ARSG: variants seen among roughly 807,000 people sequenced by gnomAD.
The protein encoded by ARSG is ASG.
Under a neutral mutation model 50.5 loss-of-function variants are expected in ARSG, and 37 were observed. The observed-to-expected ratio is 0.73, with a 90% CI of 0.56 to 0.96. The LOEUF (loss-of-function observed/expected upper bound fraction) is 0.96. Among genes scored for constraint, ARSG ranks in the 50% least tolerant of loss-of-function variants. The pLI is 0.00. For missense variants in ARSG, 629 were observed against 675.3 expected, an observed-to-expected ratio of 0.93 and a Z score of 0.76; for synonymous variants, 225 against 254.6, an observed-to-expected ratio of 0.88 and a Z score of 1.11.
intron 2 of ARSG, among the ~76,000 whole-genome samples, chr17:68,329,808 A>G (rs56859893): frequency 0.068 from 10,425 of 152,204 alleles, 803 homozygotes; most frequent in African/African-American, 0.19. Context: ...GATAACTGAT[A>G]AGCTAAAAAA....
chr17:68,273,926 C>T (rs1555749965), intron 1 of ARSG: 3 of 1,613,980 alleles, frequency 1.9e-6, no homozygotes, highest in Non-Finnish European at 2.5e-6. Context: ...GGAACACTTA[C>T]CAGAGATGAT....
chr17:68,330,967 C>T (rs1182495727), intron 2 of ARSG, among the ~76,000 whole-genome samples: 5 of 52,766 alleles, frequency 9.5e-5, no homozygotes, highest in Non-Finnish European at 1.8e-4. Context: ...TTCTTTATTT[C>T]TTTTTTTTTG....
At chr17:68,395,538 G>A (rs767735234) in intron 10 of ARSG, among the ~76,000 whole-genome samples, 2 of 152,176 alleles carry the variant, frequency 1.3e-5, no homozygotes, top group Non-Finnish European at 2.9e-5. Flanking sequence ...CCGCCAGCAA[G>A]TGGCTGGTTC....
downstream of ARSG, chr17:68,421,961 T>C: frequency 1.0e-6 from 1 of 980,234 alleles, no homozygotes; most frequent in Non-Finnish European, 1.6e-6. Flanking sequence ...AACTCGCTCA[T>C]GGCCACAGAA....
intron 2 of ARSG, among the ~76,000 whole-genome samples, chr17:68,326,779 G>C (rs1337295686): frequency 2.6e-5 from 4 of 152,216 alleles, no homozygotes; most frequent in Admixed American, 6.5e-5. Flanking sequence ...AGATCACTGA[G>C]GTGGCAAGTT....
At chr17:68,401,854 C>T (rs1048229477) in intron 11 of ARSG, among the ~76,000 whole-genome samples, 4 of 152,112 alleles carry the variant, frequency 2.6e-5, no homozygotes, top group Non-Finnish European at 4.4e-5. Context: ...GTTAGCAAAC[C>T]GACAGAAGTC....
chr17:68,424,474 A>G (rs368986755), downstream of ARSG: 1 of 534,714 alleles, frequency 1.9e-6, no homozygotes, highest in African/African-American at 1.9e-5. Context: ...TGGACACAAA[A>G]CAATGATCAG....
intron 2 of ARSG, among the ~76,000 whole-genome samples, chr17:68,309,155 T>G (rs1013479050): frequency 1.3e-5 from 2 of 152,208 alleles, no homozygotes; most frequent in Non-Finnish European, 2.9e-5. Context: ...TGGCCCGGGT[T>G]CTAAGCCCCT....
At chr17:68,445,140 G>A in the ARSG span, among the ~76,000 whole-genome samples, 8 of 151,980 alleles carry the variant, frequency 5.3e-5, no homozygotes, top group Non-Finnish European at 4.4e-5. Context: ...GGCTGGTCTC[G>A]AACTCCCGAC....
At chr17:68,264,469 C>T (rs1242019972) in intron 1 of ARSG, among the ~76,000 whole-genome samples, 8 of 151,162 alleles carry the variant, frequency 5.3e-5, no homozygotes, top group African/African-American at 1.2e-4. Context: ...GTTGGAGTTT[C>T]GCTCTTGTTG....
chr17:68,287,159 T>C (rs2075860034), upstream of ARSG, among the ~76,000 whole-genome samples: 1 of 152,138 alleles, frequency 6.6e-6, no homozygotes, highest in Non-Finnish European at 1.5e-5. Context: ...AATTTTGTTT[T>C]AGTAGAGATG....
chr17:68,388,940 A>G (rs67815705), intron 9 of ARSG, among the ~76,000 whole-genome samples: 18 of 114,442 alleles, frequency 1.6e-4, no homozygotes, highest in Middle Eastern at 4.7e-3. Context: ...AAAAAAAAAA[A>G]AAAAAGAAAA....
the ARSG span, among the ~76,000 whole-genome samples, chr17:68,433,781 T>TTTTG: frequency 3.3e-5 from 3 of 90,246 alleles, no homozygotes; most frequent in African/African-American, 1.2e-4. Flanking sequence ...TTTTTTTTTT[T>TTTTG]TTTTTTTTTT....
chr17:68,347,058 G>C lies in ARSG; in HGVS notation c.407-67G>C, dbSNP rs373031065. 5.3e-4 allele frequency: 838 copies of C among 1,584,566 alleles called. 13 individuals carry two copies. In the South Asian group the frequency reaches 8.7e-3, roughly 16 times the overall value. ...TAATGGAGAGCTGAGTGTGTGATCAGCTCCTCAGGGGGCTGTGGTACCCCT... is the reference window on the plus strand; with the variant it reads ...TAATGGAGAGCTGAGTGTGTGATCACCTCCTCAGGGGGCTGTGGTACCCCT... On this transcript the variant is annotated intron_variant, in intron 3 of 11. Coordinates refer to ENST00000621439, the MANE Select transcript of ARSG (RefSeq NM_001267727.2).
intron 11 of ARSG, among the ~76,000 whole-genome samples, chr17:68,412,821 T>C (rs1684995419): frequency 1.3e-5 from 2 of 151,948 alleles, no homozygotes; most frequent in African/African-American, 4.8e-5. Context: ...TGCTCATTTC[T>C]TTTTATTCTT....
intron 3 of ARSG, chr17:68,346,685 G>A (rs1276116292): frequency 4.2e-6 from 5 of 1,200,362 alleles, no homozygotes; most frequent in Non-Finnish European, 5.3e-6. Flanking sequence ...GGCCAGAGAG[G>A]AAGATGATGA....
rs1303453975 is a variant in ARSG at position 68,271,194 on chromosome 17, C to T, written c.-552+11768C>T. On this transcript the variant is annotated intron_variant, in intron 1 of 11. Transcript: ENST00000448504. This position sits in a 1 kb window ranked among gnomAD's most constrained non-coding sequence, Gnocchi z 5.3. ...AAGCAGCGCGGTCCTGGTCAATGCC[C>T]AGACTAATGCCCAGAGGAATGATGT... 2 of 1,613,934 alleles carry T rather than the reference C, an allele frequency of 1.2e-6. No homozygotes were observed. Among genetic ancestry groups the T allele is most frequent in the Non-Finnish European group, 1.7e-6 (2 of 1,180,048 alleles).
intron 9 of ARSG, among the ~76,000 whole-genome samples, chr17:68,391,015 C>T (rs1178031648): frequency 6.6e-6 from 1 of 151,676 alleles, no homozygotes; most frequent in Non-Finnish European, 1.5e-5. Flanking sequence ...TGCCAAAAGC[C>T]GGGCACCGAA....
intron 2 of ARSG, among the ~76,000 whole-genome samples, chr17:68,326,614 G>A (rs1408693182): frequency 2.6e-5 from 4 of 152,198 alleles, no homozygotes; most frequent in Admixed American, 6.5e-5. Context: ...GTGGTCAGCC[G>A]AGATCGTGCC....
Sources: allele counts gnomAD v4.1 joint callset (sites outside exome capture counted in the v4.1 genomes callset), GRCh38; gene constraint gnomAD v4.1.1; non-coding constraint Gnocchi (gnomAD v3.1); transcripts MANE v1.5; gene names NCBI Gene and HGNC (gene_info 2026-07-23, HGNC 2026-07-21).